GREB1L: variants seen among roughly 807,000 people sequenced by gnomAD.
The protein encoded by GREB1L is GREB1-like protein.
A neutral mutation model predicts 200.8 loss-of-function variants in GREB1L; 17 were observed. That is an observed-to-expected ratio of 0.08 (90% CI 0.06 to 0.13). GREB1L has a LOEUF of 0.13. Among genes scored for constraint, GREB1L ranks in the 10% least tolerant of loss-of-function variants. The pLI, the probability that GREB1L is intolerant of heterozygous loss-of-function variation, is 1.00. For synonymous variants in GREB1L, 789 were observed against 893.0 expected (o/e 0.88, Z 2.08); for missense variants, 1,657 against 2,367.7 (o/e 0.70, Z 6.23).
intron 1 of GREB1L, among the ~76,000 whole-genome samples, chr18:21,262,737 G>A (rs2037908641): frequency 6.6e-6 from 1 of 152,100 alleles, no homozygotes; most frequent in African/African-American, 2.4e-5. Flanking sequence ...TTAGCAAGGC[G>A]GTGGGCCAGT....
At chr18:21,406,374 T>C (rs2030236308) in intron 7 of GREB1L, among the ~76,000 whole-genome samples, 1 of 152,154 alleles carries the variant, frequency 6.6e-6, no homozygotes, top group Admixed American at 6.5e-5. Flanking sequence ...TTGTGTCCCT[T>C]GTGAGGATGT....
intron 1 of GREB1L, among the ~76,000 whole-genome samples, chr18:21,322,672 T>C (rs1210731883): frequency 1.3e-5 from 2 of 152,148 alleles, no homozygotes; most frequent in Non-Finnish European, 2.9e-5. Flanking sequence ...AAAACGTATC[T>C]AAAGCTATGA....
chr18:21,457,274 GA>G (rs145689652), intron 15 of GREB1L, among the ~76,000 whole-genome samples: 21,255 of 145,478 alleles, frequency 0.15, 1,725 homozygotes, highest in Middle Eastern at 0.25. Flanking sequence ...TTAGAATCCA[GA>G]AAAAAAAAAA....
chr18:21,463,949 G>C (rs1356288412), intron 15 of GREB1L, among the ~76,000 whole-genome samples: 1 of 152,226 alleles, frequency 6.6e-6, no homozygotes, highest in Non-Finnish European at 1.5e-5. Flanking sequence ...GGACATGGCA[G>C]CCTGCCTGAG....
chr18:21,454,209 C>G (rs931566273), intron 14 of GREB1L, among the ~76,000 whole-genome samples, 157 bp from the exon 15 acceptor site: 3 of 152,180 alleles, frequency 2.0e-5, no homozygotes, highest in Admixed American at 6.5e-5. Context: ...ATAGGCAAAT[C>G]TATTAAAACT....
At chr18:21,384,473 C>A in intron 4 of GREB1L, 70 bp downstream of exon 4, 1 of 1,242,008 alleles carries the variant, frequency 8.1e-7, no homozygotes, top group Non-Finnish European at 1.1e-6. Context: ...CTAATTATTA[C>A]ATGAGGTGCT....
At chr18:21,258,351 T>A (rs2037834419) in intron 1 of GREB1L, among the ~76,000 whole-genome samples, 3 of 152,284 alleles carry the variant, frequency 2.0e-5, no homozygotes, top group Admixed American at 6.5e-5. Context: ...GCTTTGTCCC[T>A]TTTGCTCACT....
At chr18:21,473,625 C>T (rs996182011) in intron 16 of GREB1L, among the ~76,000 whole-genome samples, 1 of 151,752 alleles carries the variant, frequency 6.6e-6, no homozygotes, top group East Asian at 1.9e-4. Flanking sequence ...ATTCCAAAGC[C>T]CAGGGACCCT....
chr18:21,346,155 A>G (rs191511695), intron 1 of GREB1L, among the ~76,000 whole-genome samples: 8 of 152,222 alleles, frequency 5.3e-5, no homozygotes, highest in Non-Finnish European at 1.2e-4. Flanking sequence ...GTCCTCCTGA[A>G]TTACTTCGCC....
chr18:21,337,876 A>T (rs904652417), intron 1 of GREB1L, among the ~76,000 whole-genome samples: 1 of 151,858 alleles, frequency 6.6e-6, no homozygotes, highest in East Asian at 1.9e-4. Flanking sequence ...AGTCCCAGCT[A>T]CTCGGGAGGC....
intron 7 of GREB1L, among the ~76,000 whole-genome samples, chr18:21,422,527 A>G (rs1207992457): frequency 1.3e-5 from 2 of 152,156 alleles, no homozygotes; most frequent in Non-Finnish European, 2.9e-5. Flanking sequence ...TATTTTTACA[A>G]CTTTCTTACT....
intron 1 of GREB1L, among the ~76,000 whole-genome samples, chr18:21,251,906 G>A (rs567757078): frequency 1.4e-5 from 2 of 144,070 alleles, no homozygotes; most frequent in African/African-American, 2.7e-5. Flanking sequence ...GATTGTGCCA[G>A]TGCACTCTAG....
chr18:21,437,891 A>G (rs2033648430), intron 7 of GREB1L, among the ~76,000 whole-genome samples: 2 of 152,242 alleles, frequency 1.3e-5, no homozygotes, highest in Admixed American at 6.5e-5. Flanking sequence ...TTGAATACTA[A>G]TAGGATATTT....
At chr18:21,438,791 T>C (rs1304639663) in intron 7 of GREB1L, among the ~76,000 whole-genome samples, 1 of 150,798 alleles carries the variant, frequency 6.6e-6, no homozygotes. Flanking sequence ...ACCCCATCTC[T>C]ACTAAAAAAA....
intron 2 of GREB1L, among the ~76,000 whole-genome samples, chr18:21,367,475 A>G (rs904263814): frequency 6.6e-6 from 1 of 152,080 alleles, no homozygotes; most frequent in Admixed American, 6.6e-5. Context: ...GGAGTGAGGG[A>G]GGGTGGACGG....
intron 1 of GREB1L, among the ~76,000 whole-genome samples, chr18:21,281,250 T>G (rs566829964): frequency 6.6e-6 from 1 of 152,320 alleles, no homozygotes; most frequent in Admixed American, 6.5e-5. Flanking sequence ...TGTGGTTTAT[T>G]GTGTAAAACT....
chr18:21,342,529 A>G (rs1013146252), intron 1 of GREB1L, among the ~76,000 whole-genome samples: 1 of 152,178 alleles, frequency 6.6e-6, no homozygotes, highest in Non-Finnish European at 1.5e-5. Flanking sequence ...AGCATTTTAC[A>G]ATGCAGGCTC....
At chr18:21,256,595 T>C (rs769523400) in intron 1 of GREB1L, among the ~76,000 whole-genome samples, 3 of 152,214 alleles carry the variant, frequency 2.0e-5, no homozygotes, top group African/African-American at 4.8e-5. Flanking sequence ...AAATCTCTAT[T>C]GAACAAATAA....
chr18:21,273,239 A>C (rs553342485), intron 1 of GREB1L, among the ~76,000 whole-genome samples: 3 of 152,352 alleles, frequency 2.0e-5, no homozygotes, highest in African/African-American at 7.2e-5. Flanking sequence ...AAAAAAACAA[A>C]AAACAAAAGT....
Sources: gnomAD v4.1 joint callset for allele counts (sites outside exome capture counted in the v4.1 genomes callset) on GRCh38, gnomAD v4.1.1 for gene constraint, MANE v1.5 for transcripts, NCBI Gene and HGNC (gene_info 2026-07-23, HGNC 2026-07-21) for gene names.